Variants in ELP6 observed in about 807,000 individuals in gnomAD.
ELP6 encodes elongator acetyltransferase complex subunit 6.
ELP6 carries 23 observed loss-of-function variants against 28.1 expected under a neutral mutation model. The observed-to-expected ratio is 0.82, with a 90% CI of 0.59 to 1.16. The LOEUF is 1.16. Ranked by LOEUF, ELP6 falls within the 50% of genes most tolerant of loss-of-function variation. ELP6 has a pLI of 0.00. For synonymous variants in ELP6, 132 were observed against 135.8 expected (o/e 0.97, Z 0.19); for missense variants, 313 against 334.6 (o/e 0.94, Z 0.50).
chr3:47,495,643 A>C lies in ELP6; in HGVS notation c.*426T>G, dbSNP rs1330415714. ...AACAAGACAACCCACAGGAAGCTCC[A>C]GTGTGGAAACTTACTTTATTCCAGC... On this transcript the variant is annotated 3_prime_UTR_variant, in exon 7 of 7. Coordinates refer to ENST00000296149, the MANE Select transcript of ELP6 (RefSeq NM_001031703.3). 1.5e-5 allele frequency: 3 copies of C among 195,638 alleles called. No homozygotes were observed. The highest frequency in any genetic ancestry group is 3.1e-5 in the Non-Finnish European group (3 of 97,214). 12.1% of individuals were successfully genotyped at this position (195,638 alleles called of 1,614,324 possible). A position where few individuals can be genotyped will look rare whatever the true frequency, so the allele number is the denominator to read the frequency against.
At chr3:47,503,032 G>A (rs1475632299) in intron 4 of ELP6, 1 of 1,016,028 alleles carries the variant, frequency 9.8e-7, no homozygotes, top group Admixed American at 5.2e-5. Flanking sequence ...ACAGAGCCCA[G>A]GGCCCAGGGC....
At chr3:47,499,808 C>G (rs550300271) in intron 5 of ELP6, 18 of 1,118,804 alleles carry the variant, frequency 1.6e-5, no homozygotes, top group Middle Eastern at 4.2e-4. Flanking sequence ...TCTGTCCCTG[C>G]TGGGCTGTGG....
intron 5 of ELP6, among the ~76,000 whole-genome samples, chr3:47,501,193 A>C (rs1708639443): frequency 6.6e-6 from 1 of 152,254 alleles, no homozygotes; most frequent in East Asian, 1.9e-4. Context: ...GAAAACAAAA[A>C]CAAAAACTCT....
chr3:47,502,105 G>A (rs1407559325), intron 4 of ELP6, among the ~76,000 whole-genome samples: 2 of 152,008 alleles, frequency 1.3e-5, no homozygotes, highest in Admixed American at 6.6e-5. Flanking sequence ...AGCTCCTAGC[G>A]CCCTTAAGAG....
intron 5 of ELP6, chr3:47,501,432 C>T (rs1228238994): frequency 7.0e-6 from 4 of 569,308 alleles, no homozygotes; most frequent in Non-Finnish European, 1.3e-5. Flanking sequence ...ACCAGCCCCA[C>T]TGAATGCAAT....
At chr3:47,511,448 A>G (rs1337589533) in intron 1 of ELP6, 3 of 1,355,580 alleles carry the variant, frequency 2.2e-6, no homozygotes, top group African/African-American at 1.5e-5. Flanking sequence ...ATAGGCAAGC[A>G]TATCTCAGCC....
chr3:47,509,911 A>C (rs1301600104), intron 3 of ELP6: 1 of 260,032 alleles, frequency 3.8e-6, no homozygotes, highest in Non-Finnish European at 7.3e-6. Flanking sequence ...ATGGGTATGC[A>C]CCACCACGCC....
chr3:47,498,804 A>G, intron 5 of ELP6: 1 of 693,950 alleles, frequency 1.4e-6, no homozygotes, highest in Middle Eastern at 7.1e-4. Context: ...ATCCCACAGT[A>G]GGAATAACAA....
chr3:47,501,873 T>C (rs1035685189), intron 4 of ELP6, 22 bp from the exon 5 acceptor site: 1 of 1,602,610 alleles, frequency 6.2e-7, no homozygotes, highest in African/African-American at 1.3e-5. Flanking sequence ...GGACAAAAGT[T>C]ACCAGACTTC....
In ELP6 at chr3:47,495,899, A is replaced by T; in HGVS notation, c.*170T>A. 1 of 1,140,786 alleles carries T rather than the reference A, an allele frequency of 8.8e-7. No individual in the cohort carries two copies. The highest frequency in any genetic ancestry group is 1.2e-6 in the Non-Finnish European group (1 of 824,786). The allele number at this position is 1,140,786 out of a possible 1,614,324, so 70.7% of individuals were successfully genotyped here. On this transcript the variant is annotated 3_prime_UTR_variant, in exon 7 of 7. Transcript: ENST00000296149. ...CCCTTGTGTTTTCTGAACAGGGCCC[A>T]GGGCAGCCAAGGCATGCCATCACTG...
chr3:47,504,450 T>A lies in ELP6; in HGVS notation c.205-2A>T. ...CCGCGCCATGGTCAGGCTGACACCC[T>A]AAACATGAAAAAGAGAGTGAGTTAC... On this transcript the variant is annotated splice_acceptor_variant, in intron 3 of 6. Coordinates refer to ENST00000296149, the MANE Select transcript of ELP6 (RefSeq NM_001031703.3). LOFTEE classifies it high-confidence loss of function. The A allele has an allele frequency of 6.3e-7, 1 of 1,596,594 alleles. No homozygotes were observed. The highest frequency in any genetic ancestry group is 8.5e-7 in the Non-Finnish European group (1 of 1,170,266).
chr3:47,497,983 C>T (rs1051154517), intron 6 of ELP6: 11 of 985,180 alleles, frequency 1.1e-5, no homozygotes, highest in Admixed American at 6.2e-5. Context: ...TGCAGTACTG[C>T]GGAGGAATTT....
At chr3:47,504,225 G>C in intron 4 of ELP6, 105 bp downstream of exon 4, 1 of 1,391,644 alleles carries the variant, frequency 7.2e-7, no homozygotes, top group Non-Finnish European at 9.5e-7. Context: ...CCTGAAGCCA[G>C]TTCCATCCTC....
chr3:47,503,727 A>G (rs1361370225), intron 4 of ELP6, among the ~76,000 whole-genome samples: 2 of 152,158 alleles, frequency 1.3e-5, no homozygotes, highest in Non-Finnish European at 2.9e-5. Context: ...CGTCTCTACT[A>G]AAAATACAAA....
rs781335500 is a variant in ELP6 at position 47,501,775 on chromosome 3, C to G, written c.400G>C (p.Ala134Pro). The G allele has an allele frequency of 2.5e-6, 4 of 1,604,788 alleles. No individual in the cohort carries two copies. Among genetic ancestry groups the G allele is most frequent in the Non-Finnish European group, 3.4e-6 (4 of 1,176,302 alleles). ...AACAGCACCGGGTACGTCCACCGAG[C>G]CTCTCCACTGTCTACTGGCTTCAGG... ...EALKPVDSGE[A>P]RWTYPVLLVD... is the part of the protein sequence containing the mutation. The change falls in exon 5 of 7, where the codon GCT becomes CCT. Residue 134 changes from alanine to proline, a missense_variant. Physicochemically the swap from Ala to Pro is conservative, Grantham distance 27. Transcript: ENST00000296149.
In ELP6 at chr3:47,501,679, A is replaced by C. The variant is rs749222312; in HGVS notation, c.496T>G (p.Cys166Gly). Residue 166 changes from cysteine to glycine, a missense_variant, in exon 5 of 7, where the codon TGC (cysteine) becomes GGC (glycine). Physicochemically the swap from Cys to Gly is radical, Grantham distance 159. Coordinates refer to ENST00000296149, the MANE Select transcript of ELP6 (RefSeq NM_001031703.3). The stretch of plus-strand genomic sequence containing the variant: ...AGTTCCCAGCACACGGTGGCTCTGC[A>C]GTAGTGAATGAAGTCTAGCACAGCC... ...AVAVLDFIHY[C>G]RATVCWELKG... 6.2e-7 allele frequency: 1 copy of C among 1,614,074 alleles called. No homozygotes were observed. Among genetic ancestry groups the C allele is most frequent in the East Asian group, 2.2e-5 (1 of 44,884 alleles).
At chr3:47,498,791 CAG>C in intron 5 of ELP6, 2 of 789,870 alleles carry the variant, frequency 2.5e-6, no homozygotes, top group Non-Finnish European at 3.1e-6. Context: ...AAGAGTGTAC[CAG>C]ATCCCACAGT....
At position 47,501,259 on chromosome 3, in the gene ELP6, G is replaced by A. The variant is rs565896094; in HGVS notation, c.525+391C>T. 1.1e-4 allele frequency among the ~76,000 whole-genome samples: 16 copies of A among 152,144 alleles called. No homozygotes were observed. The South Asian group carries it at 2.9e-3, about 28-fold the overall frequency. On this transcript the variant is annotated intron_variant, in intron 5 of 6. Coordinates refer to ENST00000296149, the MANE Select transcript of ELP6 (RefSeq NM_001031703.3). Reference sequence around the variant, plus strand: ...TGTCCCTCATAACTTGGTAATCAAGGTAATATTGTATATCCTATACTTGTA... The same window carrying A: ...TGTCCCTCATAACTTGGTAATCAAGATAATATTGTATATCCTATACTTGTA...
chr3:47,507,895 T>A (rs1006625367), intron 3 of ELP6, among the ~76,000 whole-genome samples: 5 of 151,900 alleles, frequency 3.3e-5, no homozygotes, highest in Admixed American at 3.3e-4. Context: ...ACGTGCCAAG[T>A]ACTGTGCATG....
Sources: gnomAD v4.1 joint callset for allele counts (sites outside exome capture counted in the v4.1 genomes callset) on GRCh38, gnomAD v4.1.1 for gene constraint, MANE v1.5 for transcripts, NCBI Gene and HGNC (gene_info 2026-07-23, HGNC 2026-07-21) for gene names.